ZNF486: variants seen among roughly 807,000 people sequenced by gnomAD.
ZNF486 encodes zinc finger protein 486.
ZNF486 carries 12 observed loss-of-function variants against 12.8 expected under a neutral mutation model. The observed-to-expected ratio is 0.94, with a 90% CI of 0.60 to 1.52. ZNF486 has a LOEUF of 1.52. Among genes scored for constraint, ZNF486 ranks in the 40% most tolerant of loss-of-function variants. The probability of loss-of-function intolerance (pLI) is 0.00; values close to 1 mark genes in which losing one functional copy is unlikely to be tolerated. For synonymous variants in ZNF486, 231 were observed against 184.9 expected, an observed-to-expected ratio of 1.25 and a Z score of -2.02; for missense variants, 738 against 545.0, an observed-to-expected ratio of 1.35 and a Z score of -3.53.
At chr19:20,183,886 CATT>C (rs1459714010) in intron 1 of ZNF486, among the ~76,000 whole-genome samples, 7 of 151,936 alleles carry the variant, frequency 4.6e-5, no homozygotes, top group South Asian at 2.1e-4. Flanking sequence ...AAAACATTAA[CATT>C]ATTGGTGAGC....
chr19:20,186,066 G>A lies in ZNF486; in HGVS notation c.237G>A (p.Met79Ile), dbSNP rs1301458573. 7 of 1,590,040 alleles carry A rather than the reference G, an allele frequency of 4.4e-6. No homozygotes were observed. Among genetic ancestry groups the A allele is most frequent in the Non-Finnish European group, 6.0e-6 (7 of 1,170,686 alleles). ...CTCTGACTATGAAGAGACATGAGATGATTGCCAAACCCCCAGGTAGGTGCG... is the reference window on the plus strand; with the variant it reads ...CTCTGACTATGAAGAGACATGAGATAATTGCCAAACCCCCAGGTAGGTGCG... ...IKPLTMKRHEMIAKPPVVCSH... is the reference protein window; with the variant it reads ...IKPLTMKRHEIIAKPPVVCSH... Residue 79 changes from methionine (M) to isoleucine (I), a missense_variant, in exon 3 of 4, where the codon ATG (methionine) becomes ATA (isoleucine). Physicochemically the swap from Met to Ile is conservative, Grantham distance 10. Transcript: ENST00000335117.
chr19:20,172,850 T>C (rs527632607), intron 1 of ZNF486, among the ~76,000 whole-genome samples: 58 of 151,742 alleles, frequency 3.8e-4, no homozygotes, highest in Admixed American at 2.3e-3. Flanking sequence ...ACCCTGTTGG[T>C]CAGGCTGGTC....
intron 1 of ZNF486, 63 bp from the exon 2 acceptor site, chr19:20,184,293 C>G: frequency 6.2e-7 from 1 of 1,601,954 alleles, no homozygotes; most frequent in Non-Finnish European, 8.5e-7. Flanking sequence ...CTCATTTCAC[C>G]TTAAATTAAA....
chr19:20,170,954 T>G (rs2089641761), intron 1 of ZNF486, among the ~76,000 whole-genome samples: 1 of 152,208 alleles, frequency 6.6e-6, no homozygotes, highest in Non-Finnish European at 1.5e-5. Flanking sequence ...CAGGAAGGTT[T>G]CAGGAGTCCC....
intron 1 of ZNF486, 73 bp from the exon 2 acceptor site, chr19:20,184,283 C>G: frequency 6.3e-7 from 1 of 1,599,154 alleles, no homozygotes; most frequent in Non-Finnish European, 8.5e-7. Context: ...CTCTTACTCT[C>G]TCATTTCACC....
chr19:20,169,926 C>A (rs377117119), intron 1 of ZNF486, among the ~76,000 whole-genome samples: 9 of 145,400 alleles, frequency 6.2e-5, no homozygotes, highest in Admixed American at 6.2e-4. Context: ...AGTCTCACTC[C>A]GTCGCCCAGG....
rs932380563 is a variant in ZNF486, at chr19:20,187,164, G to T, written c.253+1082G>T. On this transcript the variant is annotated intron_variant, in intron 3 of 3. Coordinates refer to ENST00000335117, the MANE Select transcript of ZNF486 (RefSeq NM_052852.4). ...TATTACTTAATGCTATAGTAAATAA[G>T]ATTTTTTTCTTCCTCTATTTTATCA... 2.6e-5 allele frequency among the ~76,000 whole-genome samples: 4 copies of T among 151,820 alleles called. No individual in the cohort carries two copies. The East Asian group carries it at 7.7e-4, about 29-fold the overall frequency.
intron 1 of ZNF486, among the ~76,000 whole-genome samples, chr19:20,172,294 C>T (rs998024584): frequency 8.1e-5 from 12 of 148,352 alleles, no homozygotes; most frequent in African/African-American, 3.1e-4. Context: ...TGAGCCACTG[C>T]ACCTAGCTTT....
chr19:20,173,924 A>T (rs2089677805), intron 1 of ZNF486, among the ~76,000 whole-genome samples: 1 of 151,542 alleles, frequency 6.6e-6, no homozygotes, highest in African/African-American at 2.4e-5. Flanking sequence ...GATTTTTAAA[A>T]ATATATGTAA....
chr19:20,180,428 A>G (rs2089771961), intron 1 of ZNF486, among the ~76,000 whole-genome samples: 1 of 152,150 alleles, frequency 6.6e-6, no homozygotes, highest in African/African-American at 2.4e-5. Flanking sequence ...TAGACCAGCA[A>G]CTGGATAAAT....
intron 1 of ZNF486, among the ~76,000 whole-genome samples, chr19:20,171,969 G>T (rs1188037442): frequency 6.7e-6 from 1 of 148,390 alleles, no homozygotes; most frequent in Non-Finnish European, 1.5e-5. Context: ...TTGGTTTTCT[G>T]TTTCTACGTT....
intron 1 of ZNF486, among the ~76,000 whole-genome samples, chr19:20,169,786 G>T (rs550761967): frequency 6.6e-6 from 1 of 151,784 alleles, no homozygotes; most frequent in Non-Finnish European, 1.5e-5. Context: ...AAAGCGGGGA[G>T]GGGAATGACA....
intron 1 of ZNF486, among the ~76,000 whole-genome samples, chr19:20,170,606 CAT>C (rs1365104962): frequency 1.3e-5 from 2 of 151,868 alleles, no homozygotes; most frequent in East Asian, 1.9e-4. Flanking sequence ...CCACTGAAGA[CAT>C]ATTCAGCTGA....
intron 1 of ZNF486, 42 bp downstream of exon 1, chr19:20,167,402 G>C: frequency 6.2e-7 from 1 of 1,605,142 alleles, no homozygotes; most frequent in Non-Finnish European, 8.5e-7. Flanking sequence ...GGGAGGGACT[G>C]GTTGATGGGA....
At chr19:20,183,093 T>A (rs1456028433) in intron 1 of ZNF486, among the ~76,000 whole-genome samples, 1 of 152,214 alleles carries the variant, frequency 6.6e-6, no homozygotes, top group Non-Finnish European at 1.5e-5. Flanking sequence ...AATATTTCTT[T>A]CCTATATCCC....
At position 20,199,764 on chromosome 19, in the gene ZNF486, T is replaced by A. The variant is rs782193392; in HGVS notation, c.*1662T>A. On this transcript the variant is annotated 3_prime_UTR_variant, in exon 4 of 4. Transcript: ENST00000335117. Reference sequence around the variant, plus strand: ...CTTTAAAAGCAGATTTTTGGAAGCATTGTAATTACATTAAAAGTATACTTG... The same window carrying A: ...CTTTAAAAGCAGATTTTTGGAAGCAATGTAATTACATTAAAAGTATACTTG... 7 of 151,734 alleles carry A rather than the reference T, an allele frequency of 4.6e-5. No individual in the cohort carries two copies. The highest frequency in any genetic ancestry group is 4.4e-5 in the Non-Finnish European group (3 of 67,958). The allele number at this position is 151,734 out of a possible 1,614,324, so 9.4% of individuals were successfully genotyped here. A position where few individuals can be genotyped will look rare whatever the true frequency, so the allele number is the denominator to read the frequency against.
chr19:20,183,426 A>C (rs1555715868), intron 1 of ZNF486, among the ~76,000 whole-genome samples: 1 of 152,250 alleles, frequency 6.6e-6, no homozygotes, highest in African/African-American at 2.4e-5. Context: ...TGGGTGCTAA[A>C]TGAAGCCTAC....
chr19:20,191,565 C>G (rs539003962), intron 3 of ZNF486, among the ~76,000 whole-genome samples: 1 of 151,060 alleles, frequency 6.6e-6, no homozygotes, highest in Non-Finnish European at 1.5e-5. Context: ...GTCAGGAGAT[C>G]GAGACTCTCC....
intron 1 of ZNF486, among the ~76,000 whole-genome samples, chr19:20,170,724 C>T (rs1180426975): frequency 1.3e-5 from 2 of 152,122 alleles, no homozygotes; most frequent in Non-Finnish European, 2.9e-5. Context: ...TGTTTCTGTC[C>T]ATCAGCTTTT....
Sources: allele counts gnomAD v4.1 joint callset (sites outside exome capture counted in the v4.1 genomes callset), GRCh38; gene constraint gnomAD v4.1.1; transcripts MANE v1.5; gene names NCBI Gene and HGNC (gene_info 2026-07-23, HGNC 2026-07-21).